ZFR2: variants seen among roughly 807,000 people sequenced by gnomAD.
The protein encoded by ZFR2 is zinc finger RNA-binding protein 2.
A neutral mutation model predicts 105.7 loss-of-function variants in ZFR2; 104 were observed. The observed-to-expected ratio is 0.98, with a 90% confidence interval of 0.84 to 1.16. The LOEUF is 1.16. ZFR2 is among the 50% of genes most tolerant of loss of function. ZFR2 has a pLI of 0.00. For missense variants in ZFR2, 1,425 were observed against 1,355.5 expected (o/e 1.05, Z -0.80); for synonymous variants, 634 against 597.7 (o/e 1.06, Z -0.89).
intron 14 of ZFR2, among the ~76,000 whole-genome samples, chr19:3,812,651 G>C (rs1002243544): frequency 6.6e-6 from 1 of 152,036 alleles, no homozygotes; most frequent in Non-Finnish European, 1.5e-5. Context: ...ACAGCCTTCA[G>C]CTAGCGCCAA....
chr19:3,816,098 A>T (rs1197826067), intron 13 of ZFR2, among the ~76,000 whole-genome samples: 1 of 150,218 alleles, frequency 6.7e-6, no homozygotes, highest in Non-Finnish European at 1.5e-5. Context: ...ACAGGTTCTC[A>T]CTATGTTGCC....
rs1274547024 is a variant in ZFR2 at position 3,838,923 on chromosome 19, T to C, written c.54-3940A>G. Among the ~76,000 whole-genome samples the C allele has an allele frequency of 1.3e-5, 2 of 152,150 alleles. No homozygotes were observed. The highest frequency in any genetic ancestry group is 4.8e-5 in the African/African-American group (2 of 41,432). On this transcript the variant is annotated intron_variant, in intron 1 of 18. Transcript: ENST00000262961. The surrounding 1 kb of genome is among the most constrained non-coding windows in gnomAD (Gnocchi z 4.9). ...CACGTGGCATGCAGCAGGGGCTCCA[T>C]GCACATCTAGGGAGGTCAGGCACAT... is the stretch of plus-strand genomic sequence containing the variant.
rs540807819 is a variant in ZFR2 at position 3,838,642 on chromosome 19, G to A, written c.54-3659C>T. ...GGCCCTGCCACAGCCACATCCCACC[G>A]ATCCCATCCCCCCGTGTCTATGGCT... On this transcript the variant is annotated intron_variant, in intron 1 of 18. Coordinates refer to ENST00000262961, the MANE Select transcript of ZFR2 (RefSeq NM_015174.2). The surrounding 1 kb of genome is among the most constrained non-coding windows in gnomAD (Gnocchi z 4.9). Among the ~76,000 whole-genome samples the A allele has an allele frequency of 2.5e-4, 38 of 152,218 alleles. 1 individual carries two copies. In the South Asian group the frequency reaches 6.4e-3, roughly 26 times the overall value.
intron 9 of ZFR2, 87 bp downstream of exon 9, chr19:3,821,993 CG>C (rs941653802): frequency 6.8e-7 from 1 of 1,480,528 alleles, no homozygotes. Flanking sequence ...ATCACACGCG[CG>C]GAAGAGGCCC....
In ZFR2 at chr19:3,823,433, C is replaced by T; in HGVS notation, c.1214-30G>A. 6.4e-7 allele frequency: 1 copy of T among 1,560,732 alleles called. No individual in the cohort carries two copies. Among genetic ancestry groups the T allele is most frequent in the Non-Finnish European group, 8.7e-7 (1 of 1,154,238 alleles). ...GGGGAAAAACCATGTCACTTATACCCTGTTCCAGGAGAAAGCACTGCAGCT... is the reference window on the plus strand; with the variant it reads ...GGGGAAAAACCATGTCACTTATACCTTGTTCCAGGAGAAAGCACTGCAGCT... On this transcript the variant is annotated intron_variant, in intron 7 of 18. Coordinates refer to ENST00000262961, the MANE Select transcript of ZFR2 (RefSeq NM_015174.2). This position sits in a 1 kb window ranked among gnomAD's most constrained non-coding sequence, Gnocchi z 5.4.
chr19:3,831,958 CTGGCTGGAACACGCTAGA>C, intron 3 of ZFR2, 80 bp from the exon 4 acceptor site: 1 of 1,236,224 alleles, frequency 8.1e-7, no homozygotes, highest in South Asian at 1.6e-5. Context: ...CTGGACTCAA[CTGGCTGGAACACGCTAGA>C]TGCTTAAGCC....
At chr19:3,807,871 C>G (rs2037717204) in intron 17 of ZFR2, among the ~76,000 whole-genome samples, 2 of 133,598 alleles carry the variant, frequency 1.5e-5, no homozygotes, top group Admixed American at 7.5e-5. Context: ...ATGCATGTGC[C>G]TGTGTGTGTG....
Position 3,834,062 on chromosome 19 carries a change from CG to C in ZFR2, c.265-285del, listed in dbSNP as rs1321901283. On this transcript the variant is annotated intron_variant, in intron 2 of 18. Transcript: ENST00000262961. This position sits in a 1 kb window ranked among gnomAD's most constrained non-coding sequence, Gnocchi z 5.3. ...GGACGCTTGGTGCGGCAGGAGAGGG[CG>C]GGTTTGCAGGGAGAAGCCCCCGAGG... 6.6e-6 allele frequency among the ~76,000 whole-genome samples: 1 copy of C among 151,904 alleles called. No individual in the cohort carries two copies. The highest frequency in any genetic ancestry group is 1.9e-4 in the East Asian group (1 of 5,182).
intron 17 of ZFR2, 35 bp from the exon 18 acceptor site, chr19:3,807,304 G>T: frequency 6.8e-7 from 1 of 1,481,362 alleles, no homozygotes; most frequent in South Asian, 1.2e-5. Flanking sequence ...CAAAGAAGGC[G>T]AGAATGCCCT....
intron 14 of ZFR2, 88 bp from the exon 15 acceptor site, chr19:3,811,454 T>C (rs960688337): frequency 4.0e-6 from 5 of 1,246,438 alleles, no homozygotes; most frequent in Non-Finnish European, 5.5e-6. Context: ...TTTGGGCCCC[T>C]CGACGCTTTT....
intron 15 of ZFR2, 93 bp from the exon 16 acceptor site, chr19:3,810,938 G>A (rs1215680561): frequency 5.2e-6 from 7 of 1,359,062 alleles, no homozygotes; most frequent in Non-Finnish European, 7.1e-6. Context: ...CCCCAGGGAG[G>A]ATAATAGGGA....
intron 1 of ZFR2, among the ~76,000 whole-genome samples, chr19:3,847,531 A>G (rs1443766898): frequency 2.6e-5 from 4 of 152,180 alleles, no homozygotes; most frequent in Non-Finnish European, 5.9e-5. Context: ...CTCAAAAGAA[A>G]AAAAAAAGTA....
intron 1 of ZFR2, among the ~76,000 whole-genome samples, chr19:3,845,068 G>A (rs985623800): frequency 1.3e-5 from 2 of 152,136 alleles, no homozygotes; most frequent in Non-Finnish European, 2.9e-5. Context: ...CAGCAGGGCC[G>A]GTCCCTCTGT....
rs1273722561 is a variant in ZFR2, at chr19:3,833,726, G to C, written c.317C>G (p.Pro106Arg). ...SAAARSYEDR[P>R]YFQSAALQSG... ...CTGGAGGGCAGCAGACTGGAAGTAC[G>C]GCCTGTCCTCATAGCTCCTGGCAGC... The change falls in exon 3 of 19, where the codon CCG (proline) becomes CGG (arginine). Residue 106 changes from proline (P) to arginine (R), a missense_variant. Coordinates refer to ENST00000262961, the MANE Select transcript of ZFR2 (RefSeq NM_015174.2). 8.2e-6 allele frequency: 13 copies of C among 1,582,966 alleles called. No individual in the cohort carries two copies. Among genetic ancestry groups the C allele is most frequent in the Non-Finnish European group, 1.0e-5 (12 of 1,164,394 alleles).
chr19:3,807,890 C>T (rs1371752980), intron 17 of ZFR2, among the ~76,000 whole-genome samples: 1 of 148,036 alleles, frequency 6.8e-6, no homozygotes, highest in Non-Finnish European at 1.5e-5. Flanking sequence ...TGCATGTGTG[C>T]CCGTGTGCAC....
Position 3,823,586 on chromosome 19 carries a change from G to T in ZFR2, c.1214-183C>A, listed in dbSNP as rs1262990084. 6.6e-6 allele frequency among the ~76,000 whole-genome samples: 1 copy of T among 152,156 alleles called. No individual in the cohort carries two copies. The highest frequency in any genetic ancestry group is 6.5e-5 in the Admixed American group (1 of 15,274). Reference sequence around the variant, plus strand: ...CTCGCTCTCCCTTTCATGCCTGCGTGTGACCCAGCCAAGAAACCGAGGCCA... The same window carrying T: ...CTCGCTCTCCCTTTCATGCCTGCGTTTGACCCAGCCAAGAAACCGAGGCCA... On this transcript the variant is annotated intron_variant, in intron 7 of 18. Coordinates refer to ENST00000262961, the MANE Select transcript of ZFR2 (RefSeq NM_015174.2). The surrounding 1 kb of genome is among the most constrained non-coding windows in gnomAD (Gnocchi z 5.4).
intron 1 of ZFR2, among the ~76,000 whole-genome samples, chr19:3,861,663 C>T (rs1223444263): frequency 7.9e-5 from 12 of 151,618 alleles, no homozygotes; most frequent in Admixed American, 7.2e-4. Context: ...CGGTGGCTCA[C>T]GCCTGTAATC....
At chr19:3,868,109 A>C (rs1423353670) in intron 1 of ZFR2, among the ~76,000 whole-genome samples, 1 of 97,388 alleles carries the variant, frequency 1.0e-5, no homozygotes, top group Non-Finnish European at 2.2e-5. Flanking sequence ...CCCAGGTCTG[A>C]ATTCTCTCCC....
intron 1 of ZFR2, among the ~76,000 whole-genome samples, chr19:3,863,277 G>A (rs1466539146): frequency 1.3e-5 from 2 of 152,194 alleles, no homozygotes; most frequent in African/African-American, 4.8e-5. Flanking sequence ...TGCCGAGCCT[G>A]TTCTCATGGT....
Sources: gnomAD v4.1 joint callset for allele counts (sites outside exome capture counted in the v4.1 genomes callset) on GRCh38, gnomAD v4.1.1 for gene constraint, Gnocchi (gnomAD v3.1) non-coding constraint, MANE v1.5 for transcripts, NCBI Gene and HGNC (gene_info 2026-07-23, HGNC 2026-07-21) for gene names.